ADAMTS20: variants seen among roughly 807,000 people sequenced by gnomAD.
The protein encoded by ADAMTS20 is A disintegrin and metalloproteinase with thrombospondin motifs 20.
Under a neutral mutation model 260.1 loss-of-function variants are expected in ADAMTS20, and 225 were observed. The ratio of observed to expected loss-of-function variants is 0.87; its 90% confidence interval spans 0.78 to 0.97. The LOEUF is 0.97. Ranked by LOEUF, ADAMTS20 falls within the 50% of genes least tolerant of loss-of-function variation. The pLI, the probability that ADAMTS20 is intolerant of heterozygous loss-of-function variation, is 0.00. For synonymous variants in ADAMTS20, 802 were observed against 769.5 expected, an observed-to-expected ratio of 1.04 and a Z score of -0.70; for missense variants, 2,400 against 2,337.7, an observed-to-expected ratio of 1.03 and a Z score of -0.55.
At chr12:43,450,274 T>C (rs945111767) in intron 14 of ADAMTS20, among the ~76,000 whole-genome samples, 1 of 152,198 alleles carries the variant, frequency 6.6e-6, no homozygotes, top group African/African-American at 2.4e-5. Flanking sequence ...AGCTGTCCTC[T>C]GCATACATTG....
intron 12 of ADAMTS20, 90 bp from the exon 13 acceptor site, chr12:43,452,785 G>A: frequency 8.3e-7 from 1 of 1,208,784 alleles, no homozygotes; most frequent in South Asian, 1.7e-5. Flanking sequence ...CCAGGATCTA[G>A]AAAACCAGTG....
intron 37 of ADAMTS20, among the ~76,000 whole-genome samples, chr12:43,362,787 C>T (rs1420808841): frequency 6.7e-6 from 1 of 150,308 alleles, no homozygotes; most frequent in Non-Finnish European, 1.5e-5. Flanking sequence ...TGTAACAAAC[C>T]TGCACATTGT....
chr12:43,404,584 CA>C (rs1239463327), intron 28 of ADAMTS20, among the ~76,000 whole-genome samples: 1 of 152,098 alleles, frequency 6.6e-6, no homozygotes, highest in East Asian at 1.9e-4. Flanking sequence ...AGCTTGGCTA[CA>C]AAAGTAGTAA....
At chr12:43,426,243 C>G (rs1260589112) in intron 27 of ADAMTS20, among the ~76,000 whole-genome samples, 4 of 152,090 alleles carry the variant, frequency 2.6e-5, no homozygotes, top group African/African-American at 7.2e-5. Flanking sequence ...AGGAAATATA[C>G]CAAATCTTGC....
At chr12:43,512,439 A>T (rs1942938225) in intron 3 of ADAMTS20, among the ~76,000 whole-genome samples, 1 of 151,684 alleles carries the variant, frequency 6.6e-6, no homozygotes, top group South Asian at 2.1e-4. Flanking sequence ...TATAAACCTG[A>T]AATATATTTA....
intron 4 of ADAMTS20, among the ~76,000 whole-genome samples, chr12:43,495,251 GAATGT>G (rs1397838898): frequency 6.6e-6 from 1 of 152,062 alleles, no homozygotes; most frequent in Non-Finnish European, 1.5e-5. Context: ...AAATATCCTT[GAATGT>G]AACACTAAGG....
chr12:43,390,810 G>A (rs1318909001), intron 29 of ADAMTS20, among the ~76,000 whole-genome samples: 1 of 152,032 alleles, frequency 6.6e-6, no homozygotes, highest in East Asian at 1.9e-4. Context: ...TTCTCTTTAT[G>A]GGCTTTTACA....
At position 43,453,893 on chromosome 12, in the gene ADAMTS20, T is replaced by TA; in HGVS notation, c.1760+13dup. 2 of 1,579,424 alleles carry TA rather than the reference T, an allele frequency of 1.3e-6. No individual in the cohort carries two copies. On this transcript the variant is annotated intron_variant, in intron 12 of 38. Coordinates refer to ENST00000389420, the MANE Select transcript of ADAMTS20 (RefSeq NM_025003.5). ...GAGATAATCTTAATTTATAGTGACA[T>TA]AAAAAAGACATACTCAGGACGATTA... is the stretch of plus-strand genomic sequence containing the variant.
At chr12:43,501,804 G>T (rs1942771520) in intron 4 of ADAMTS20, among the ~76,000 whole-genome samples, 1 of 152,090 alleles carries the variant, frequency 6.6e-6, no homozygotes, top group African/African-American at 2.4e-5. Context: ...CAGAAATAGG[G>T]TAAGGTTTTA....
Position 43,376,253 on chromosome 12 carries a change from T to G in ADAMTS20, c.5203A>C (p.Lys1735Gln). 6.4e-7 allele frequency: 1 copy of G among 1,550,436 alleles called. No individual in the cohort carries two copies. Among genetic ancestry groups the G allele is most frequent in the Non-Finnish European group, 8.7e-7 (1 of 1,145,232 alleles). The change falls in exon 34 of 39, where the codon AAG becomes CAG. Residue 1735 changes from lysine (K) to glutamine (Q), a missense_variant. By Grantham distance (53) the Lys-to-Gln change is moderately conservative. Transcript: ENST00000389420. ...CATAATACCTTTATTATTCTTCCCT[T>G]AATGTTAAGGTAATAGTCACCATCC... Reference protein sequence around the residue: ...RKDGDYYLNIKGRIIKIYCAD... With the variant: ...RKDGDYYLNIQGRIIKIYCAD...
chr12:43,472,908 C>G (rs1942290092), intron 7 of ADAMTS20, among the ~76,000 whole-genome samples: 1 of 142,814 alleles, frequency 7.0e-6, no homozygotes, highest in South Asian at 2.4e-4. Flanking sequence ...ACCATCGAGA[C>G]TAGGAAGAAA....
chr12:43,475,988 A>G (rs1345366760), intron 7 of ADAMTS20, among the ~76,000 whole-genome samples: 1 of 139,710 alleles, frequency 7.2e-6, no homozygotes, highest in Non-Finnish European at 1.5e-5. Context: ...GCCAAAATTG[A>G]CAAATGGGAT....
chr12:43,388,324 G>A (rs527848210), intron 29 of ADAMTS20, among the ~76,000 whole-genome samples: 12 of 152,234 alleles, frequency 7.9e-5, no homozygotes, highest in South Asian at 2.1e-4. Flanking sequence ...GCAACATCCC[G>A]TCCTGCCTGC....
intron 18 of ADAMTS20, among the ~76,000 whole-genome samples, 155 bp from the exon 19 acceptor site, chr12:43,434,526 G>A (rs1941512518): frequency 1.2e-5 from 1 of 84,570 alleles, no homozygotes. Flanking sequence ...TTAATCTAAT[G>A]AGGAATGACT....
chr12:43,503,564 T>C (rs1942798844), intron 3 of ADAMTS20, among the ~76,000 whole-genome samples: 1 of 152,150 alleles, frequency 6.6e-6, no homozygotes, highest in Non-Finnish European at 1.5e-5. Flanking sequence ...TTCTTTTTTT[T>C]CTATTTAATT....
chr12:43,407,228 G>T (rs1940935710), intron 28 of ADAMTS20, among the ~76,000 whole-genome samples: 1 of 151,626 alleles, frequency 6.6e-6, no homozygotes, highest in South Asian at 2.1e-4. Flanking sequence ...TTAAAAATCA[G>T]ATTAATTTGC....
At chr12:43,530,660 G>C (rs1943208416) in intron 3 of ADAMTS20, among the ~76,000 whole-genome samples, 1 of 152,006 alleles carries the variant, frequency 6.6e-6, no homozygotes, top group Non-Finnish European at 1.5e-5. Flanking sequence ...TCTAGATTTT[G>C]TACTTTGATG....
At chr12:43,454,185 T>TG in intron 11 of ADAMTS20, 133 bp from the exon 12 acceptor site, 1 of 1,006,240 alleles carries the variant, frequency 9.9e-7, no homozygotes, top group Non-Finnish European at 1.4e-6. Context: ...TTAATTCAGA[T>TG]TACATTTGAA....
At chr12:43,423,594 G>C (rs1431670677) in intron 28 of ADAMTS20, 1 of 616,434 alleles carries the variant, frequency 1.6e-6, no homozygotes, top group Non-Finnish European at 2.9e-6. Context: ...TTAAGAACTA[G>C]GCTTGCAAAC....
Sources: allele counts gnomAD v4.1 joint callset (sites outside exome capture counted in the v4.1 genomes callset), GRCh38; gene constraint gnomAD v4.1.1; transcripts MANE v1.5; gene names NCBI Gene and HGNC (gene_info 2026-07-23, HGNC 2026-07-21).